Variants in RASEF observed in about 807,000 individuals in gnomAD.
The protein encoded by RASEF is RAS and EF-hand domain containing.
Under a neutral mutation model 90.1 loss-of-function variants are expected in RASEF, and 68 were observed. That is an observed-to-expected ratio of 0.75 (90% CI 0.62 to 0.92). RASEF has a LOEUF of 0.92. Among genes scored for constraint, RASEF ranks in the 40% least tolerant of loss-of-function variants. The pLI is 0.00. For missense variants in RASEF, 949 were observed against 937.2 expected, an observed-to-expected ratio of 1.01 and a Z score of -0.16; for synonymous variants, 331 against 345.2, an observed-to-expected ratio of 0.96 and a Z score of 0.46.
At chr9:83,147,028 G>GTGTATA in the RASEF span, among the ~76,000 whole-genome samples, 2 of 31,312 alleles carry the variant, frequency 6.4e-5, no homozygotes, top group Non-Finnish European at 6.5e-5. Flanking sequence ...GTGTGTGTGT[G>GTGTATA]TATATATATA....
upstream of RASEF, among the ~76,000 whole-genome samples, chr9:83,067,471 C>A (rs991158450): frequency 6.6e-6 from 1 of 152,142 alleles, no homozygotes; most frequent in Non-Finnish European, 1.5e-5. Context: ...CCATAATTAG[C>A]AAATGTGAAC....
At chr9:83,059,665 G>C (rs1223298183) in intron 1 of RASEF, among the ~76,000 whole-genome samples, 4 of 152,042 alleles carry the variant, frequency 2.6e-5, no homozygotes, top group African/African-American at 9.7e-5. Context: ...TGGCCTGGTA[G>C]CACCTGTCCT....
chr9:82,997,257 G>A (rs1587481434), intron 13 of RASEF, 131 bp from the exon 14 acceptor site: 1 of 631,256 alleles, frequency 1.6e-6, no homozygotes, highest in South Asian at 1.9e-5. Context: ...ATATGACTGA[G>A]ACATAGGCAT....
intron 16 of RASEF, among the ~76,000 whole-genome samples, chr9:82,987,884 C>T (rs1300391815): frequency 6.6e-6 from 1 of 152,198 alleles, no homozygotes; most frequent in African/African-American, 2.4e-5. Context: ...TAAGAATGGA[C>T]TTTGAGCCTC....
chr9:83,035,389 A>T (rs1829721574), intron 1 of RASEF, among the ~76,000 whole-genome samples: 1 of 152,236 alleles, frequency 6.6e-6, no homozygotes, highest in Non-Finnish European at 1.5e-5. Context: ...ATCTATTAAC[A>T]TAAGGCCCTG....
chr9:83,187,212 A>G, the RASEF span, among the ~76,000 whole-genome samples: 1 of 152,134 alleles, frequency 6.6e-6, no homozygotes, highest in Admixed American at 6.5e-5. Flanking sequence ...ACTATCTGGT[A>G]TCTTTCCCAT....
chr9:83,026,470 G>A lies in RASEF; in HGVS notation c.432-549C>T, dbSNP rs906712988. 2.0e-5 allele frequency among the ~76,000 whole-genome samples: 3 copies of A among 152,076 alleles called. No individual in the cohort carries two copies. In the South Asian group the frequency reaches 6.2e-4, roughly 32 times the overall value. On this transcript the variant is annotated intron_variant, in intron 1 of 16. Coordinates refer to ENST00000376447, the MANE Select transcript of RASEF (RefSeq NM_152573.4). Reference sequence around the variant, plus strand: ...GGGGAAGCAAGGATCTTCTTCACATGGTGACAGGAGAGAGAAGAGTGAGGA... The same window carrying A: ...GGGGAAGCAAGGATCTTCTTCACATAGTGACAGGAGAGAGAAGAGTGAGGA...
At chr9:83,087,462 G>A in the RASEF span, among the ~76,000 whole-genome samples, 1 of 119,316 alleles carries the variant, frequency 8.4e-6, no homozygotes, top group Non-Finnish European at 1.8e-5. Context: ...ACTGCCATGT[G>A]AGAACACAGC....
the RASEF span, among the ~76,000 whole-genome samples, chr9:83,150,564 C>T: frequency 1.3e-5 from 2 of 152,166 alleles, no homozygotes; most frequent in South Asian, 4.2e-4. Context: ...TCATTATTCT[C>T]TTGAATTATT....
At chr9:83,060,391 T>C (rs560897717) in intron 1 of RASEF, among the ~76,000 whole-genome samples, 10 of 152,228 alleles carry the variant, frequency 6.6e-5, no homozygotes, top group Non-Finnish European at 1.3e-4. Context: ...CCTACAAATG[T>C]TCTTTGCCTT....
At chr9:83,128,263 G>A in the RASEF span, among the ~76,000 whole-genome samples, 1 of 151,756 alleles carries the variant, frequency 6.6e-6, no homozygotes, top group Non-Finnish European at 1.5e-5. Flanking sequence ...AGGCAGATGG[G>A]GCAGATCCCT....
the RASEF span, among the ~76,000 whole-genome samples, chr9:83,165,577 T>C: frequency 1.9e-4 from 29 of 152,064 alleles, no homozygotes; most frequent in Non-Finnish European, 4.4e-5. Flanking sequence ...TTATCTAAGC[T>C]CCCATCTTAG....
intron 1 of RASEF, among the ~76,000 whole-genome samples, chr9:83,031,993 C>T (rs551145962): frequency 5.3e-5 from 8 of 152,198 alleles, no homozygotes; most frequent in Middle Eastern, 6.8e-3. Context: ...AAAGGAAAAA[C>T]ACAACAAAAC....
the RASEF span, among the ~76,000 whole-genome samples, chr9:83,171,597 T>G: frequency 6.6e-6 from 1 of 151,884 alleles, no homozygotes; most frequent in African/African-American, 2.4e-5. Flanking sequence ...TATTACTGTT[T>G]CTTTTTATTC....
chr9:83,140,208 A>G, the RASEF span, among the ~76,000 whole-genome samples: 1 of 152,192 alleles, frequency 6.6e-6, no homozygotes, highest in African/African-American at 2.4e-5. Flanking sequence ...GTTGAAGCCT[A>G]TAATACCGAG....
the RASEF span, among the ~76,000 whole-genome samples, chr9:83,085,851 A>G: frequency 6.6e-6 from 1 of 152,176 alleles, no homozygotes. Flanking sequence ...CTGGAATCCG[A>G]GAAGTGGAGG....
chr9:83,077,499 A>C, the RASEF span, among the ~76,000 whole-genome samples: 4 of 152,178 alleles, frequency 2.6e-5, no homozygotes, highest in African/African-American at 9.7e-5. Flanking sequence ...CTCCCCTATC[A>C]GAGTGAAAAT....
chr9:83,053,821 T>A (rs1587525986), intron 1 of RASEF, among the ~76,000 whole-genome samples: 1 of 119,398 alleles, frequency 8.4e-6, no homozygotes, highest in East Asian at 2.5e-4. Context: ...TTTGGCTGGA[T>A]ATGAAATTCT....
chr9:83,217,966 T>A, the RASEF span, among the ~76,000 whole-genome samples: 2 of 150,052 alleles, frequency 1.3e-5, no homozygotes, highest in African/African-American at 4.9e-5. Flanking sequence ...CTCACTGTCT[T>A]TTGCTCTTTA....
Sources: allele counts gnomAD v4.1 joint callset (sites outside exome capture counted in the v4.1 genomes callset), GRCh38; gene constraint gnomAD v4.1.1; transcripts MANE v1.5; gene names NCBI Gene and HGNC (gene_info 2026-07-23, HGNC 2026-07-21).